ERAP2: variants seen among roughly 807,000 people sequenced by gnomAD.
ERAP2 encodes the protein endoplasmic reticulum aminopeptidase 2, also known as leukocyte-derived arginine aminopeptidase.
ERAP2 carries 118 observed loss-of-function variants against 111.1 expected under a neutral mutation model. The observed-to-expected ratio is 1.06, with a 90% CI of 0.92 to 1.24. ERAP2 has a LOEUF of 1.24. Among genes scored for constraint, ERAP2 ranks in the 50% most tolerant of loss-of-function variants. The pLI, the probability that ERAP2 is intolerant of heterozygous loss-of-function variation, is 0.00. For missense variants in ERAP2, 1,131 were observed against 1,125.8 expected, an observed-to-expected ratio of 1.00 and a Z score of -0.07; for synonymous variants, 410 against 401.2, an observed-to-expected ratio of 1.02 and a Z score of -0.26.
At chr5:96,913,885 AC>A (rs1472596245) in intron 17 of ERAP2, among the ~76,000 whole-genome samples, 1 of 152,054 alleles carries the variant, frequency 6.6e-6, no homozygotes, top group Non-Finnish European at 1.5e-5. Context: ...GCTACTCCTC[AC>A]CCCTAGAGCC....
intron 13 of ERAP2, among the ~76,000 whole-genome samples, chr5:96,905,655 A>G (rs1452723364): frequency 6.6e-6 from 1 of 152,162 alleles, no homozygotes; most frequent in African/African-American, 2.4e-5. Context: ...AGGCTGAAGC[A>G]GGCAGATCAC....
At chr5:96,909,248 T>A in intron 14 of ERAP2, 131 bp downstream of exon 14, 1 of 801,292 alleles carries the variant, frequency 1.2e-6, no homozygotes. Context: ...TGATAGCATG[T>A]AATGGTCAAT....
At position 96,901,325 on chromosome 5, in the gene ERAP2, G is replaced by C. The variant is rs558269466; in HGVS notation, c.1573-181G>C. ...TCCCTCAATTCAAGTAATTTGCAGA[G>C]AGCAGCCCTGGGATAGCCATCCCTA... On this transcript the variant is annotated intron_variant, in intron 10 of 18. Transcript: ENST00000437043. 6.6e-5 allele frequency among the ~76,000 whole-genome samples: 10 copies of C among 152,196 alleles called. No individual in the cohort carries two copies. In the East Asian group the frequency reaches 1.9e-3, roughly 29 times the overall value.
At chr5:96,882,041 C>T (rs771481818) in intron 2 of ERAP2, among the ~76,000 whole-genome samples, 1 of 152,186 alleles carries the variant, frequency 6.6e-6, no homozygotes, top group Non-Finnish European at 1.5e-5. Flanking sequence ...CACTTGGGTG[C>T]TCACTGCACA....
chr5:96,901,593 C>T lies in ERAP2; in HGVS notation c.1660C>T (p.Gln554Ter), dbSNP rs1343204680. Residue 554 changes from glutamine (Q) to a stop codon, truncating the protein, a stop_gained, in exon 11 of 19, where the codon CAA becomes TAA. Coordinates refer to ENST00000437043, the MANE Select transcript of ERAP2 (RefSeq NM_022350.5). LOFTEE classifies it high-confidence loss of function. The part of the protein sequence containing the change: ...QKGIPLLVVK[Q>*]DGCSLRLQQE... ...AGGAATCCCCCTGCTGGTGGTTAAA[C>T]AAGACGGGTGTTCACTCCGACTGCA... 3.1e-6 allele frequency: 5 copies of T among 1,614,122 alleles called. No individual in the cohort carries two copies. In the South Asian group the frequency reaches 5.5e-5, roughly 18 times the overall value.
chr5:96,878,797 A>G (rs1782834105), intron 1 of ERAP2, among the ~76,000 whole-genome samples: 1 of 152,054 alleles, frequency 6.6e-6, no homozygotes, highest in Non-Finnish European at 1.5e-5. Flanking sequence ...GTGTGGTGGC[A>G]CATACCTGTA....
intron 4 of ERAP2, among the ~76,000 whole-genome samples, chr5:96,888,907 T>C (rs1784043509): frequency 6.6e-6 from 1 of 152,212 alleles, no homozygotes. Context: ...TATGATATAC[T>C]TGGATTATGA....
intron 9 of ERAP2, among the ~76,000 whole-genome samples, chr5:96,899,036 G>A (rs1785163306): frequency 6.6e-6 from 1 of 152,104 alleles, no homozygotes. Context: ...AAGAAAATTT[G>A]GCCAGCAATT....
chr5:96,882,501 C>A (rs970080282), intron 2 of ERAP2, among the ~76,000 whole-genome samples: 10 of 152,230 alleles, frequency 6.6e-5, no homozygotes, highest in Admixed American at 4.6e-4. Context: ...ATCTCTCTCT[C>A]TTTCTTCCTC....
chr5:96,895,800 C>T (rs2548539), intron 7 of ERAP2, among the ~76,000 whole-genome samples: 83,289 of 151,996 alleles, frequency 0.55, 22,868 homozygotes, highest in Admixed American at 0.59. Context: ...TCTTCAGGTA[C>T]GTCTTTTTTA....
At chr5:96,891,397 A>G (rs1274740204) in intron 5 of ERAP2, among the ~76,000 whole-genome samples, 5 of 150,482 alleles carry the variant, frequency 3.3e-5, no homozygotes, top group Admixed American at 2.7e-4. Flanking sequence ...GTGTATACAT[A>G]CACACACACA....
chr5:96,891,776 G>A (rs1227462826), intron 5 of ERAP2, among the ~76,000 whole-genome samples: 2 of 151,982 alleles, frequency 1.3e-5, no homozygotes, highest in East Asian at 3.9e-4. Flanking sequence ...CATAATAGAG[G>A]CTATATTTGC....
chr5:96,881,834 T>C (rs1164356154), intron 2 of ERAP2, among the ~76,000 whole-genome samples: 1 of 152,140 alleles, frequency 6.6e-6, no homozygotes, highest in Non-Finnish European at 1.5e-5. Context: ...TTTACAAAGA[T>C]TTCCCACCCA....
Position 96,887,588 on chromosome 5 carries a change from C to G in ERAP2, c.849+799C>G, listed in dbSNP as rs141677881. On this transcript the variant is annotated intron_variant, in intron 4 of 18. Coordinates refer to ENST00000437043, the MANE Select transcript of ERAP2 (RefSeq NM_022350.5). ...GTGTTGGGATTACAGGCGTGAGCCA[C>G]CGTGCCCGACAGTTTCCAACTGTTT... Among the ~76,000 whole-genome samples the G allele has an allele frequency of 9.0e-3, 1,373 of 152,262 alleles. 22 individuals carry two copies. Among genetic ancestry groups the G allele is most frequent in the African/African-American group, 0.031 (1,289 of 41,564 alleles).
At chr5:96,879,452 C>T in intron 1 of ERAP2, 112 bp from the exon 2 acceptor site, 3 of 445,542 alleles carry the variant, frequency 6.7e-6, no homozygotes, top group Non-Finnish European at 1.2e-5. Context: ...TGGCCTAATT[C>T]TGACAGAGAG....
At chr5:96,916,703 C>T (rs1482578592) in intron 18 of ERAP2, among the ~76,000 whole-genome samples, 2 of 151,240 alleles carry the variant, frequency 1.3e-5, no homozygotes, top group East Asian at 3.9e-4. Flanking sequence ...CTCCTGACCT[C>T]GTGATCCACC....
intron 10 of ERAP2, 190 bp downstream of exon 10, chr5:96,900,379 T>C: frequency 1.1e-6 from 1 of 870,014 alleles, no homozygotes; most frequent in South Asian, 3.0e-5. Flanking sequence ...CTGTTGCTAC[T>C]ATATTTTTGT....
intron 3 of ERAP2, among the ~76,000 whole-genome samples, chr5:96,885,962 C>T (rs1212524606): frequency 2.0e-5 from 3 of 152,160 alleles, no homozygotes; most frequent in African/African-American, 4.8e-5. Context: ...ACCTCCTTGG[C>T]CTGACTGCTT....
At chr5:96,904,673 G>C (rs992819327) in intron 13 of ERAP2, among the ~76,000 whole-genome samples, 7 of 152,196 alleles carry the variant, frequency 4.6e-5, no homozygotes, top group Non-Finnish European at 8.8e-5. Flanking sequence ...GAAGCTCTGA[G>C]TAGATTGAAG....
Sources: gnomAD v4.1 joint callset for allele counts (sites outside exome capture counted in the v4.1 genomes callset) on GRCh38, gnomAD v4.1.1 for gene constraint, MANE v1.5 for transcripts, NCBI Gene and HGNC (gene_info 2026-07-23, HGNC 2026-07-21) for gene names.